Variants in NEK7 observed in about 807,000 individuals in gnomAD.
NEK7 encodes the protein NIMA related kinase 7.
A neutral mutation model predicts 44.6 loss-of-function variants in NEK7; 18 were observed. The observed-to-expected ratio is 0.40, with a 90% CI of 0.28 to 0.60. NEK7 has a LOEUF of 0.60. Among genes scored for constraint, NEK7 ranks in the 20% least tolerant of loss-of-function variants. NEK7 has a pLI of 0.38. For missense variants in NEK7, 256 were observed against 366.5 expected (o/e 0.70, Z 2.46); for synonymous variants, 130 against 121.1 (o/e 1.07, Z -0.48).
intron 3 of NEK7, chr1:198,256,377 G>C: frequency 3.1e-6 from 5 of 1,611,802 alleles, no homozygotes; most frequent in Non-Finnish European, 4.2e-6. Flanking sequence ...CTAAATGCAT[G>C]TTACTTCTTG....
intron 1 of NEK7, among the ~76,000 whole-genome samples, chr1:198,164,612 A>G (rs536527953): frequency 4.4e-4 from 67 of 152,380 alleles, no homozygotes; most frequent in Middle Eastern, 3.4e-3. Flanking sequence ...TCTAAAAAAT[A>G]TACATAATTA....
intron 5 of NEK7, among the ~76,000 whole-genome samples, chr1:198,266,248 A>T (rs59882354): frequency 0.2 from 30,164 of 152,004 alleles, 3,584 homozygotes; most frequent in African/African-American, 0.32. Flanking sequence ...TCTATTGTCT[A>T]TTTCTATTAC....
At chr1:198,297,983 A>G (rs1374030038) in intron 9 of NEK7, among the ~76,000 whole-genome samples, 1 of 152,206 alleles carries the variant, frequency 6.6e-6, no homozygotes, top group East Asian at 1.9e-4. Context: ...TGAACAAAAC[A>G]TCTCCCATTT....
chr1:198,190,754 C>G (rs911659834), intron 1 of NEK7, among the ~76,000 whole-genome samples: 1 of 151,684 alleles, frequency 6.6e-6, no homozygotes, highest in Non-Finnish European at 1.5e-5. Context: ...TTATTTCTAC[C>G]GTTATTAGGA....
chr1:198,226,746 T>C (rs2102857936), intron 1 of NEK7, among the ~76,000 whole-genome samples: 1 of 152,220 alleles, frequency 6.6e-6, no homozygotes, highest in South Asian at 2.1e-4. Context: ...AATCTCTCTC[T>C]GTGAACTTCT....
intron 9 of NEK7, among the ~76,000 whole-genome samples, chr1:198,318,739 G>T (rs1056194914): frequency 2.6e-5 from 4 of 152,076 alleles, no homozygotes; most frequent in Non-Finnish European, 2.9e-5. Flanking sequence ...TAGGAGGGTA[G>T]TTTCTTAATT....
At chr1:198,314,858 A>C (rs963116564) in intron 9 of NEK7, among the ~76,000 whole-genome samples, 3 of 152,218 alleles carry the variant, frequency 2.0e-5, no homozygotes, top group African/African-American at 7.2e-5. Context: ...GGGACATTTA[A>C]GTCTTCAGAG....
chr1:198,292,882 C>T, intron 7 of NEK7, 63 bp from the exon 8 acceptor site: 1 of 875,332 alleles, frequency 1.1e-6, no homozygotes, highest in Non-Finnish European at 1.9e-6. Flanking sequence ...TATGTAGTTT[C>T]TGACCACAGC....
At position 198,293,006 on chromosome 1, in the gene NEK7, T is replaced by C. The variant is rs1654605724; in HGVS notation, c.651T>C (p.Ser217=). ...RIHENGYNFK[S]DIWSLGCLLY... ...ATGAAAATGGATACAACTTCAAATC[T>C]GACATCTGGTCTCTTGGCTGTCTAC... The change falls in exon 8 of 10, where the codon TCT becomes TCC. Residue 217 remains serine, a synonymous_variant. Transcript: ENST00000367385. The C allele has an allele frequency of 6.9e-6, 11 of 1,596,776 alleles. No homozygotes were observed. Among genetic ancestry groups the C allele is most frequent in the Non-Finnish European group, 9.4e-6 (11 of 1,164,612 alleles).
intron 2 of NEK7, among the ~76,000 whole-genome samples, chr1:198,235,745 T>C (rs955113457): frequency 6.6e-6 from 1 of 152,138 alleles, no homozygotes; most frequent in African/African-American, 2.4e-5. Context: ...TTTAAGAATT[T>C]TTGCGAGTTA....
chr1:198,269,589 A>G (rs570207412), intron 5 of NEK7, among the ~76,000 whole-genome samples: 58 of 152,048 alleles, frequency 3.8e-4, no homozygotes, highest in Non-Finnish European at 7.6e-4. Context: ...AATATTGTAA[A>G]TCATTGTGCA....
intron 1 of NEK7, among the ~76,000 whole-genome samples, chr1:198,231,485 A>T (rs1666399009): frequency 6.6e-6 from 1 of 151,344 alleles, no homozygotes. Context: ...TCATAAAAAA[A>T]CTTAATTCCA....
intron 3 of NEK7, among the ~76,000 whole-genome samples, chr1:198,255,250 C>T (rs1653216732): frequency 6.6e-6 from 1 of 152,072 alleles, no homozygotes; most frequent in African/African-American, 2.4e-5. Context: ...TAACAATCTT[C>T]AAAATCCATT....
At position 198,181,167 on chromosome 1, in the gene NEK7, G is replaced by T. The variant is rs143283720; in HGVS notation, c.-29+23891G>T. On this transcript the variant is annotated intron_variant, in intron 1 of 9. Coordinates refer to ENST00000367385, the MANE Select transcript of NEK7 (RefSeq NM_133494.3). ...AGCAACAACAAATCCAGCAAACTAA[G>T]CATTATCTTAGTTTTTTTTGTTAGG... is the stretch of plus-strand genomic sequence containing the variant. 2.0e-3 allele frequency among the ~76,000 whole-genome samples: 299 copies of T among 152,080 alleles called. 2 individuals carry two copies. The highest frequency in any genetic ancestry group is 6.9e-3 in the African/African-American group (285 of 41,532).
chr1:198,228,868 C>T (rs1666305339), intron 1 of NEK7, among the ~76,000 whole-genome samples: 1 of 152,170 alleles, frequency 6.6e-6, no homozygotes, highest in Non-Finnish European at 1.5e-5. Flanking sequence ...TTTCTTTCTC[C>T]TGCCTGATTG....
intron 4 of NEK7, among the ~76,000 whole-genome samples, chr1:198,263,867 C>G (rs1653559844): frequency 6.6e-6 from 1 of 151,810 alleles, no homozygotes; most frequent in Non-Finnish European, 1.5e-5. Context: ...TTGGGCATAG[C>G]AGTACTTTTA....
At chr1:198,300,700 T>G (rs988842049) in intron 9 of NEK7, among the ~76,000 whole-genome samples, 1 of 152,156 alleles carries the variant, frequency 6.6e-6, no homozygotes, top group Admixed American at 6.5e-5. Context: ...TGACACATTT[T>G]AAAAGGCTTA....
intron 2 of NEK7, among the ~76,000 whole-genome samples, chr1:198,246,557 G>A (rs1571568228): frequency 6.6e-6 from 1 of 152,236 alleles, no homozygotes; most frequent in Non-Finnish European, 1.5e-5. Flanking sequence ...CACTCTGGCG[G>A]CCAAGCACAG....
intron 1 of NEK7, among the ~76,000 whole-genome samples, chr1:198,191,597 C>CT: frequency 6.6e-6 from 1 of 151,836 alleles, no homozygotes; most frequent in Admixed American, 6.6e-5. Context: ...TTTAAATTAC[C>CT]TCTCTTGATG....
Sources: allele counts gnomAD v4.1 joint callset (sites outside exome capture counted in the v4.1 genomes callset), GRCh38; gene constraint gnomAD v4.1.1; transcripts MANE v1.5; gene names NCBI Gene and HGNC (gene_info 2026-07-23, HGNC 2026-07-21).